Variants in WAC observed in about 807,000 individuals in gnomAD.
WAC encodes WW domain containing adaptor with coiled-coil, also known as WW domain-containing adapter protein with coiled-coil.
A neutral mutation model predicts 79.6 loss-of-function variants in WAC; 11 were observed. The ratio of observed to expected loss-of-function variants is 0.14; its 90% CI spans 0.09 to 0.23. The LOEUF (loss-of-function observed/expected upper bound fraction) is 0.23, where lower values mean the gene tolerates loss of function less well. WAC is among the 10% of genes least tolerant of loss of function. WAC has a pLI of 1.00. For synonymous variants in WAC, 304 were observed against 276.9 expected (o/e 1.10, Z -0.97); for missense variants, 728 against 773.5 (o/e 0.94, Z 0.70).
At chr10:28,571,315 A>C (rs1057435889) in intron 3 of WAC, among the ~76,000 whole-genome samples, 2 of 152,200 alleles carry the variant, frequency 1.3e-5, no homozygotes, top group African/African-American at 2.4e-5. Flanking sequence ...GTGAAAAGTA[A>C]ATAATTTTGA....
rs1841635799 is a variant in WAC, at chr10:28,620,061, A to G, written c.*455A>G. 1 of 153,204 alleles carries G rather than the reference A, an allele frequency of 6.5e-6. No individual in the cohort carries two copies. Among genetic ancestry groups the G allele is most frequent in the South Asian group, 2.1e-4 (1 of 4,854 alleles). The allele number at this position is 153,204 out of a possible 1,614,324, so 9.5% of individuals were successfully genotyped here. A position where few individuals can be genotyped will look rare whatever the true frequency, so the allele number is the denominator to read the frequency against. ...CGCCAGGCGATTTGTGTCTAAGGATACGATTTTGAACCATATGGGCAGTGT... is the reference window on the plus strand; with the variant it reads ...CGCCAGGCGATTTGTGTCTAAGGATGCGATTTTGAACCATATGGGCAGTGT... On this transcript the variant is annotated 3_prime_UTR_variant, in exon 14 of 14. Coordinates refer to ENST00000354911, the MANE Select transcript of WAC (RefSeq NM_016628.5).
intron 3 of WAC, among the ~76,000 whole-genome samples, chr10:28,552,197 A>G (rs1465675727): frequency 1.3e-5 from 2 of 152,086 alleles, no homozygotes; most frequent in East Asian, 1.9e-4. Flanking sequence ...TCCTCTTAGT[A>G]TTTATTCTTA....
At chr10:28,551,545 G>A (rs1328688649) in intron 3 of WAC, among the ~76,000 whole-genome samples, 1 of 152,032 alleles carries the variant, frequency 6.6e-6, no homozygotes, top group East Asian at 1.9e-4. Context: ...GATCAGTCTT[G>A]GTTTCTCTTC....
rs1278614350 is a variant in WAC, at chr10:28,615,872, T to G, written c.1557-301T>G. ...CATCTACAGCTGTTAAAATGTGACT[T>G]TTTTTAGTTATATTATTAGTGTTTG... is the stretch of plus-strand genomic sequence containing the variant. On this transcript the variant is annotated intron_variant, in intron 11 of 13. Transcript: ENST00000354911. 1.2e-5 allele frequency: 3 copies of G among 240,960 alleles called. No homozygotes were observed. The South Asian group carries it at 3.8e-4, about 31-fold the overall frequency. The allele number at this position is 240,960 out of a possible 1,614,324, so 14.9% of individuals were successfully genotyped here. A position where few individuals can be genotyped will look rare whatever the true frequency, so the allele number is the denominator to read the frequency against.
chr10:28,610,613 TG>T, intron 8 of WAC, 85 bp from the exon 9 acceptor site: 1 of 1,355,488 alleles, frequency 7.4e-7, no homozygotes. Flanking sequence ...TCCAGTTTCT[TG>T]TGAGTTCTCT....
At chr10:28,617,943 TGAA>T in intron 13 of WAC, 159 bp downstream of exon 13, 1 of 875,548 alleles carries the variant, frequency 1.1e-6, no homozygotes, top group Non-Finnish European at 1.6e-6. Flanking sequence ...ATATTTCTCG[TGAA>T]GGATAAAGCC....
At chr10:28,546,773 G>C (rs940909355) in intron 3 of WAC, among the ~76,000 whole-genome samples, 1 of 151,592 alleles carries the variant, frequency 6.6e-6, no homozygotes, top group East Asian at 1.9e-4. Flanking sequence ...TGTGAACTTT[G>C]CTGCTTTGTT....
At chr10:28,609,207 C>G (rs1841103479) in intron 8 of WAC, among the ~76,000 whole-genome samples, 1 of 152,088 alleles carries the variant, frequency 6.6e-6, no homozygotes, top group Non-Finnish European at 1.5e-5. Context: ...AATAAAAATA[C>G]AAAAGTTAAC....
At chr10:28,561,646 C>G (rs892547410) in intron 3 of WAC, among the ~76,000 whole-genome samples, 2 of 151,906 alleles carry the variant, frequency 1.3e-5, no homozygotes, top group Non-Finnish European at 2.9e-5. Flanking sequence ...TTTTTGAAAC[C>G]CCGGCGTCTT....
intron 4 of WAC, among the ~76,000 whole-genome samples, chr10:28,585,823 C>A (rs1387903364): frequency 6.6e-6 from 1 of 152,002 alleles, no homozygotes; most frequent in Non-Finnish European, 1.5e-5. Context: ...AAACAAACAC[C>A]TCATTCAGGG....
At chr10:28,615,972 A>T in intron 11 of WAC, 1 of 454,902 alleles carries the variant, frequency 2.2e-6, no homozygotes, top group Non-Finnish European at 3.9e-6. Context: ...GTAGTGTTAA[A>T]AGGGTTTTTT....
intron 12 of WAC, 32 bp downstream of exon 12, chr10:28,616,394 G>A: frequency 1.4e-6 from 2 of 1,455,808 alleles, no homozygotes; most frequent in South Asian, 1.5e-5. Context: ...TTTTACCTTT[G>A]GATGATTAGC....
rs1444975867 is a variant in WAC at position 28,620,422 on chromosome 10, A to C, written c.*816A>C. On this transcript the variant is annotated 3_prime_UTR_variant, in exon 14 of 14. Transcript: ENST00000354911. ...GGACAGGCATGTGTGCTCAAAGTAC[A>C]TTGATTGCTCAAATATAAGGAAATG... is the stretch of plus-strand genomic sequence containing the variant. The C allele has an allele frequency of 6.6e-6, 1 of 152,668 alleles. No homozygotes were observed. The highest frequency in any genetic ancestry group is 1.5e-5 in the Non-Finnish European group (1 of 68,056). The allele number at this position is 152,668 out of a possible 1,614,324, so 9.5% of individuals were successfully genotyped here.
chr10:28,549,846 A>G (rs1589138992), intron 3 of WAC, among the ~76,000 whole-genome samples: 1 of 152,308 alleles, frequency 6.6e-6, no homozygotes, highest in East Asian at 1.9e-4. Context: ...TCTGGCTTGT[A>G]TAAATATAAC....
intron 6 of WAC, among the ~76,000 whole-genome samples, 176 bp from the exon 7 acceptor site, chr10:28,595,557 T>C (rs888150492): frequency 3.3e-5 from 5 of 152,198 alleles, no homozygotes; most frequent in African/African-American, 1.2e-4. Context: ...GTATTGCATA[T>C]TTACATGCTA....
Position 28,589,718 on chromosome 10 carries a change from A to T in WAC, c.382-18A>T. On this transcript the variant is annotated intron_variant, in intron 4 of 13. Coordinates refer to ENST00000354911, the MANE Select transcript of WAC (RefSeq NM_016628.5). ...AATAGTATTAACATTTTCTAATTGTAAAAAATATATTTTTAAGCCTTATGA... is the reference window on the plus strand; with the variant it reads ...AATAGTATTAACATTTTCTAATTGTTAAAAATATATTTTTAAGCCTTATGA... 2 of 1,505,710 alleles carry T rather than the reference A, an allele frequency of 1.3e-6. No homozygotes were observed. The highest frequency in any genetic ancestry group is 1.4e-5 in the African/African-American group (1 of 71,688). 93.3% of individuals were successfully genotyped at this position (1,505,710 alleles called of 1,614,324 possible).
At chr10:28,572,859 A>C (rs1159099941) in intron 3 of WAC, among the ~76,000 whole-genome samples, 4 of 152,190 alleles carry the variant, frequency 2.6e-5, no homozygotes, top group Admixed American at 6.5e-5. Flanking sequence ...CTAATTCCTT[A>C]GTGAAAAGTC....
intron 3 of WAC, among the ~76,000 whole-genome samples, chr10:28,540,338 G>A (rs371300418): frequency 6.6e-6 from 1 of 152,102 alleles, no homozygotes; most frequent in East Asian, 1.9e-4. Context: ...TTAAACACTT[G>A]GGTATTGAAA....
intron 3 of WAC, among the ~76,000 whole-genome samples, chr10:28,574,565 C>G (rs1282474307): frequency 6.6e-6 from 1 of 151,576 alleles, no homozygotes; most frequent in Non-Finnish European, 1.5e-5. Flanking sequence ...GTGTCAGCCT[C>G]CTCAGTAGCT....
Sources: gnomAD v4.1 joint callset for allele counts (sites outside exome capture counted in the v4.1 genomes callset) on GRCh38, gnomAD v4.1.1 for gene constraint, MANE v1.5 for transcripts, NCBI Gene and HGNC (gene_info 2026-07-23, HGNC 2026-07-21) for gene names.